The following TBL2 variants were observed in gnomAD, a reference collection of about 807,000 sequenced individuals.
TBL2 encodes transducin beta like 2.
Under a neutral mutation model 41.8 loss-of-function variants are expected in TBL2, and 33 were observed. That is an observed-to-expected ratio of 0.79 (90% CI 0.60 to 1.06). TBL2 has a LOEUF of 1.06. Among genes scored for constraint, TBL2 ranks in the 50% least tolerant of loss-of-function variants. The pLI, the probability that TBL2 is intolerant of heterozygous loss-of-function variation, is 0.00. For synonymous variants in TBL2, 239 were observed against 241.7 expected (o/e 0.99, Z 0.10); for missense variants, 522 against 603.8 (o/e 0.86, Z 1.42).
At position 73,568,473 on chromosome 7, in the gene TBL2, C is replaced by G. The variant is rs192890265; in HGVS notation, c.*2034G>C. Among the ~76,000 whole-genome samples, 1 of 152,172 alleles carries G rather than the reference C, an allele frequency of 6.6e-6. No homozygotes were observed. The highest frequency in any genetic ancestry group is 1.9e-4 in the East Asian group (1 of 5,196). ...CCATCCTGCAGGCAGGACACAAGCC[C>G]GCCCTCCAGCTCACTTCTGTCCCCA... On this transcript the variant is annotated 3_prime_UTR_variant, in exon 7 of 7. Transcript: ENST00000305632.
Position 73,570,783 on chromosome 7 carries a change from G to C in TBL2, c.1068C>G (p.Leu356=), listed in dbSNP as rs1241161152. The C allele has an allele frequency of 6.2e-7, 1 of 1,614,160 alleles. No homozygotes were observed. Among genetic ancestry groups the C allele is most frequent in the Non-Finnish European group, 8.5e-7 (1 of 1,180,052 alleles). ...CCTTCTCGCCCCGCCGGGTATTGTA[G>C]AGATGAATACTACTGCCACTGGCCA... ...LALASGSSIH[L]YNTRRGEKEE... Residue 356 remains leucine, a synonymous_variant, in exon 7 of 7, where the codon CTC becomes CTG. Transcript: ENST00000305632.
intron 1 of TBL2, among the ~76,000 whole-genome samples, chr7:73,575,044 A>C (rs1182249532): frequency 2.0e-5 from 3 of 151,946 alleles, no homozygotes; most frequent in African/African-American, 7.2e-5. Flanking sequence ...CTATGTAGGG[A>C]GTAATGTGCA....
rs781957714 is a variant in TBL2 at position 73,575,292 on chromosome 7, AT to A, written c.131-780del. Reference sequence around the variant, plus strand: ...GGGCGTGCACCACCATATCCAGCTAATTTTTTTTTTTTTTTTCAGATGGAGT... The same window carrying A: ...GGGCGTGCACCACCATATCCAGCTAATTTTTTTTTTTTTTTCAGATGGAGT... On this transcript the variant is annotated intron_variant, in intron 1 of 6. Coordinates refer to ENST00000305632, the MANE Select transcript of TBL2 (RefSeq NM_012453.4). Among the ~76,000 whole-genome samples the A allele has an allele frequency of 3.0e-3, 306 of 101,534 alleles. 1 individual carries two copies. The South Asian group carries it at 0.033, about 11-fold the overall frequency. 66.6% of individuals were successfully genotyped at this position (101,534 alleles called of 152,430 possible). A position where few individuals can be genotyped will look rare whatever the true frequency, so the allele number is the denominator to read the frequency against.
chr7:73,575,307 T>C (rs77705120), intron 1 of TBL2, among the ~76,000 whole-genome samples: 1 of 151,092 alleles, frequency 6.6e-6, no homozygotes, highest in Non-Finnish European at 1.5e-5. Context: ...TTTTTTTTTT[T>C]TCAGATGGAG....
rs1554588184 is a variant in TBL2, at chr7:73,573,381, G to A, written c.537C>T (p.Thr179=). ...REDGGYTFTA[T]PEDFPKKHKA... The stretch of plus-strand genomic sequence containing the variant: ...TGTGCTTTTTAGGGAAGTCCTCTGG[G>A]GTGGCTGTGAAGGTGTAGCCCCCAT... Residue 179 remains threonine (T), a synonymous_variant, in exon 4 of 7, where the codon ACC becomes ACT. Transcript: ENST00000305632. The A allele has an allele frequency of 2.5e-6, 4 of 1,614,178 alleles. No individual in the cohort carries two copies. Among genetic ancestry groups the A allele is most frequent in the Non-Finnish European group, 2.5e-6 (3 of 1,180,020 alleles).
chr7:73,574,169 A>G, intron 2 of TBL2, 47 bp from the exon 3 acceptor site: 1 of 1,600,976 alleles, frequency 6.2e-7, no homozygotes, highest in Non-Finnish European at 8.5e-7. Context: ...CCTGGGGGAG[A>G]TGGGGAAGCC....
At position 73,570,553 on chromosome 7, in the gene TBL2, G is replaced by A. The variant is rs1554587143; in HGVS notation, c.1298C>T (p.Thr433Ile). 3.1e-6 allele frequency: 5 copies of A among 1,602,336 alleles called. No homozygotes were observed. The East Asian group carries it at 9.0e-5, about 29-fold the overall frequency. ...STRQRLQQQL[T>I]QAQETLKSLG... ...GCTCTTCAGGGTCTCTTGGGCCTGG[G>A]TCAGCTGCTGCTGCAGCCTCTGGCG... The change falls in exon 7 of 7, where the codon ACC becomes ATC. Residue 433 changes from threonine to isoleucine, a missense_variant. Physicochemically the swap from Thr to Ile is moderately conservative, Grantham distance 89. Coordinates refer to ENST00000305632, the MANE Select transcript of TBL2 (RefSeq NM_012453.4).
chr7:73,575,905 G>A (rs186790611), intron 1 of TBL2, among the ~76,000 whole-genome samples: 196 of 152,230 alleles, frequency 1.3e-3, no homozygotes, highest in Middle Eastern at 3.4e-3. Flanking sequence ...AGCTGGGCAT[G>A]GTGGTGTGCG....
intron 5 of TBL2, chr7:73,571,829 G>A (rs1792976824): frequency 1.2e-5 from 2 of 162,662 alleles, no homozygotes; most frequent in Admixed American, 1.2e-4. Context: ...GGGAGGCCCA[G>A]GCGGGCAGCT....
rs935074212 is a variant in TBL2 at position 73,568,140 on chromosome 7, G to A, written c.*2367C>T. Among the ~76,000 whole-genome samples the A allele has an allele frequency of 1.3e-5, 2 of 152,180 alleles. No individual in the cohort carries two copies. Among genetic ancestry groups the A allele is most frequent in the African/African-American group, 4.8e-5 (2 of 41,456 alleles). On this transcript the variant is annotated 3_prime_UTR_variant, in exon 7 of 7. Transcript: ENST00000305632. ...GGAGACTGGGAGTGGGAAGATGCGC[G>A]GAGAAGATACTGGGAGGTCTGTGGC...
intron 1 of TBL2, 31 bp downstream of exon 1, chr7:73,578,389 G>A: frequency 6.6e-7 from 1 of 1,521,434 alleles, no homozygotes; most frequent in Non-Finnish European, 8.8e-7. Context: ...GGACACCGCG[G>A]GCCGCCCCCA....
Position 73,572,836 on chromosome 7 carries a change from T to G in TBL2, c.725+8A>C. 1.9e-6 allele frequency: 3 copies of G among 1,613,946 alleles called. No homozygotes were observed. The highest frequency in any genetic ancestry group is 2.5e-6 in the Non-Finnish European group (3 of 1,179,900). ...TGGTCCCAGACGCCAATACCCCTCC[T>G]TGCCCACCTGCCACAGGGAGATACA... is the stretch of plus-strand genomic sequence containing the variant. On this transcript the variant is annotated splice_region_variant and intron_variant, in intron 5 of 6. Transcript: ENST00000305632.
At chr7:73,573,810 G>T in intron 3 of TBL2, 128 bp downstream of exon 3, 2 of 1,186,466 alleles carry the variant, frequency 1.7e-6, no homozygotes, top group South Asian at 1.5e-5. Context: ...CTATGTGGAT[G>T]CTCTTTCTGG....
Position 73,574,443 on chromosome 7 carries a change from A to T in TBL2, c.201T>A (p.Ile67=). 2 of 1,614,190 alleles carry T rather than the reference A, an allele frequency of 1.2e-6. No homozygotes were observed. Among genetic ancestry groups the T allele is most frequent in the Non-Finnish European group, 1.7e-6 (2 of 1,180,038 alleles). Residue 67 remains isoleucine, a synonymous_variant, in exon 2 of 7, where the codon ATT becomes ATA. Transcript: ENST00000305632. ...GSKKQKQYQR[I]RKEKPQQHNF... ...TGTGTTGTTGAGGCTTCTCCTTCCG[A>T]ATCCGCTGATATTGTTTCTGCTTCT...
At chr7:73,573,183 C>A in intron 4 of TBL2, 137 bp downstream of exon 4, 1 of 1,423,492 alleles carries the variant, frequency 7.0e-7, no homozygotes, top group South Asian at 1.3e-5. Context: ...AGCACAGAGC[C>A]AGGCTGTTCA....
intron 1 of TBL2, 146 bp from the exon 2 acceptor site, chr7:73,574,659 C>A: frequency 8.7e-7 from 1 of 1,144,370 alleles, no homozygotes; most frequent in Non-Finnish European, 1.3e-6. Context: ...GTGATATGGG[C>A]AAAAACAGAG....
At chr7:73,576,815 C>A in intron 1 of TBL2, 1 of 415,820 alleles carries the variant, frequency 2.4e-6, no homozygotes, top group Non-Finnish European at 4.9e-6. Context: ...GACTCCTTGC[C>A]TTCTCGGGTA....
In TBL2 at chr7:73,570,570, C is replaced by G. The variant is rs529493631; in HGVS notation, c.1281G>C (p.Arg427Ser). The change falls in exon 7 of 7, where the codon AGG becomes AGC. Residue 427 changes from arginine to serine, a missense_variant. Arg to Ser is a moderately radical substitution (Grantham distance 110). Transcript: ENST00000305632. The stretch of plus-strand genomic sequence containing the variant: ...GGGCCTGGGTCAGCTGCTGCTGCAG[C>G]CTCTGGCGGGTGCTCTCGTTGGAGG... ...KRASNESTRQ[R>S]LQQQLTQAQE... 6.2e-7 allele frequency: 1 copy of G among 1,608,590 alleles called. No individual in the cohort carries two copies. The highest frequency in any genetic ancestry group is 1.7e-5 in the Admixed American group (1 of 59,104).
chr7:73,576,961 A>T (rs1793359850), intron 1 of TBL2, among the ~76,000 whole-genome samples: 3 of 151,910 alleles, frequency 2.0e-5, no homozygotes, highest in Admixed American at 2.0e-4. Flanking sequence ...CCTCCCCCAT[A>T]AAAGAACAGG....
Sources: gnomAD v4.1 joint callset for allele counts (sites outside exome capture counted in the v4.1 genomes callset) on GRCh38, gnomAD v4.1.1 for gene constraint, MANE v1.5 for transcripts, NCBI Gene and HGNC (gene_info 2026-07-23, HGNC 2026-07-21) for gene names.